EYS: variants seen among roughly 807,000 people sequenced by gnomAD.
EYS encodes the protein EGF-like photoreceptor maintenance factor.
EYS carries 250 observed loss-of-function variants against 282.1 expected under a neutral mutation model. The observed-to-expected ratio is 0.89, with a 90% CI of 0.80 to 0.98. The LOEUF is 0.98. Ranked by LOEUF, EYS falls within the 50% of genes least tolerant of loss-of-function variation. The pLI, the probability that EYS is intolerant of heterozygous loss-of-function variation, is 0.00. For missense variants in EYS, 4,016 were observed against 3,709.0 expected (o/e 1.08, Z -2.15); for synonymous variants, 1,355 against 1,282.9 (o/e 1.06, Z -1.20).
intron 22 of EYS, among the ~76,000 whole-genome samples, chr6:64,777,532 C>T (rs573769519): frequency 7.2e-5 from 11 of 152,038 alleles, no homozygotes; most frequent in South Asian, 2.1e-4. Context: ...GGGTTTGGGG[C>T]TTTTCTTAAT....
chr6:63,738,933 T>G (rs1257130596), intron 41 of EYS, among the ~76,000 whole-genome samples: 1 of 152,154 alleles, frequency 6.6e-6, no homozygotes, highest in Non-Finnish European at 1.5e-5. Flanking sequence ...TGGAGATCGT[T>G]GCTACATACT....
At chr6:63,849,435 G>A (rs990900140) in intron 36 of EYS, among the ~76,000 whole-genome samples, 3 of 152,170 alleles carry the variant, frequency 2.0e-5, no homozygotes, top group African/African-American at 7.2e-5. Context: ...TCATACAGGA[G>A]AGCACTGGCT....
intron 30 of EYS, among the ~76,000 whole-genome samples, chr6:64,282,192 G>A (rs557788950): frequency 6.6e-6 from 1 of 152,230 alleles, no homozygotes; most frequent in Non-Finnish European, 1.5e-5. Flanking sequence ...GACAACTTGA[G>A]ATTGGATTTG....
intron 2 of EYS, among the ~76,000 whole-genome samples, chr6:65,628,646 C>T (rs903552590): frequency 3.3e-5 from 5 of 152,034 alleles, no homozygotes; most frequent in Non-Finnish European, 5.9e-5. Context: ...ACTCCAGACG[C>T]GCTACCTTAA....
chr6:64,177,484 T>C (rs56328527), intron 31 of EYS, among the ~76,000 whole-genome samples: 6,638 of 152,174 alleles, frequency 0.044, 355 homozygotes, highest in African/African-American at 0.12. Context: ...TCTCCCTTTT[T>C]GAAATGTCAT....
At chr6:64,635,596 C>T (rs894688249) in intron 22 of EYS, among the ~76,000 whole-genome samples, 2 of 152,156 alleles carry the variant, frequency 1.3e-5, no homozygotes, top group Non-Finnish European at 2.9e-5. Flanking sequence ...TGGTATTTGT[C>T]TTTGGTTCTG....
At chr6:64,351,335 T>G (rs1233462574) in intron 29 of EYS, among the ~76,000 whole-genome samples, 1 of 151,558 alleles carries the variant, frequency 6.6e-6, no homozygotes, top group Non-Finnish European at 1.5e-5. Context: ...AGAATTATTC[T>G]GACAGAGGTC....
At chr6:64,775,367 C>T (rs1263614644) in intron 22 of EYS, among the ~76,000 whole-genome samples, 1 of 151,868 alleles carries the variant, frequency 6.6e-6, no homozygotes, top group Admixed American at 6.6e-5. Context: ...TAAAATTATC[C>T]TGAGGCAATA....
At chr6:64,505,644 G>A (rs939727495) in intron 26 of EYS, among the ~76,000 whole-genome samples, 2 of 152,112 alleles carry the variant, frequency 1.3e-5, no homozygotes, top group African/African-American at 4.8e-5. Context: ...TACAAGCATT[G>A]AGTTGTCATG....
At chr6:65,399,871 TG>T (rs1276592104) in intron 7 of EYS, among the ~76,000 whole-genome samples, 1 of 152,050 alleles carries the variant, frequency 6.6e-6, no homozygotes, top group Non-Finnish European at 1.5e-5. Context: ...ATATCTGTTT[TG>T]GCTTTGTCTC....
intron 12 of EYS, among the ~76,000 whole-genome samples, chr6:65,113,391 CTA>C (rs1775273488): frequency 7.3e-6 from 1 of 136,142 alleles, no homozygotes; most frequent in Non-Finnish European, 1.5e-5. Context: ...GTATTGAGAT[CTA>C]AAAAAAAAAT....
intron 22 of EYS, among the ~76,000 whole-genome samples, chr6:64,683,741 T>G (rs560668952): frequency 6.6e-6 from 1 of 152,286 alleles, no homozygotes; most frequent in East Asian, 1.9e-4. Flanking sequence ...AATTGCAACT[T>G]AGGCATGTTA....
At chr6:65,175,952 A>G (rs1279943662) in intron 12 of EYS, among the ~76,000 whole-genome samples, 2 of 151,534 alleles carry the variant, frequency 1.3e-5, no homozygotes, top group African/African-American at 4.8e-5. Flanking sequence ...TATCATTAAC[A>G]AATAAAAATT....
At chr6:63,888,508 T>A (rs929164833) in intron 35 of EYS, among the ~76,000 whole-genome samples, 1 of 152,018 alleles carries the variant, frequency 6.6e-6, no homozygotes, top group African/African-American at 2.4e-5. Flanking sequence ...AGGTCTGGAG[T>A]GGACCCCCAG....
chr6:64,341,920 T>C (rs984102226), intron 29 of EYS, among the ~76,000 whole-genome samples: 3 of 151,616 alleles, frequency 2.0e-5, no homozygotes, highest in African/African-American at 7.3e-5. Context: ...TATTATTTAA[T>C]AATGGAGGAA....
chr6:65,401,803 G>T (rs560251727), intron 7 of EYS, among the ~76,000 whole-genome samples: 2 of 151,948 alleles, frequency 1.3e-5, no homozygotes. Flanking sequence ...CTAAAATTTT[G>T]AGGCTACTTA....
intron 12 of EYS, among the ~76,000 whole-genome samples, chr6:65,121,831 G>C (rs1775561362): frequency 6.6e-6 from 1 of 151,990 alleles, no homozygotes; most frequent in Non-Finnish European, 1.5e-5. Context: ...ATTTAAAGCA[G>C]AACACAATTT....
At chr6:64,726,370 C>T (rs1209557070) in intron 22 of EYS, among the ~76,000 whole-genome samples, 1 of 152,114 alleles carries the variant, frequency 6.6e-6, no homozygotes, top group Non-Finnish European at 1.5e-5. Context: ...CATTGCCTAG[C>T]ACTGGAGTTT....
chr6:64,880,887 T>A (rs1187060617), intron 19 of EYS, among the ~76,000 whole-genome samples: 1 of 151,040 alleles, frequency 6.6e-6, no homozygotes, highest in African/African-American at 2.4e-5. Flanking sequence ...TATATTATAC[T>A]GGCCTTATTT....
Sources: allele counts gnomAD v4.1 joint callset (sites outside exome capture counted in the v4.1 genomes callset), GRCh38; gene constraint gnomAD v4.1.1; transcripts MANE v1.5; gene names NCBI Gene and HGNC (gene_info 2026-07-23, HGNC 2026-07-21).